ALOX5AP: variants seen among roughly 807,000 people sequenced by gnomAD.
The protein encoded by ALOX5AP is arachidonate 5-lipoxygenase activating protein, also known as arachidonate 5-lipoxygenase-activating protein.
A neutral mutation model predicts 18.5 loss-of-function variants in ALOX5AP; 9 were observed. The observed-to-expected ratio is 0.49, with a 90% CI of 0.29 to 0.85. ALOX5AP has a LOEUF of 0.85. Ranked by LOEUF, ALOX5AP falls within the 40% of genes least tolerant of loss-of-function variation. The probability of loss-of-function intolerance (pLI) is 0.08; values close to 1 mark genes in which losing one functional copy is unlikely to be tolerated. For synonymous variants in ALOX5AP, 81 were observed against 78.6 expected (o/e 1.03, Z -0.16); for missense variants, 172 against 202.5 (o/e 0.85, Z 0.91).
chr13:30,736,270 G>T (rs1165550955), intron 1 of ALOX5AP, among the ~76,000 whole-genome samples: 7 of 151,424 alleles, frequency 4.6e-5, no homozygotes, highest in Non-Finnish European at 1.0e-4. Context: ...CATATGCAGT[G>T]TATACTTCAG....
At chr13:30,756,454 T>C (rs1951894678) in intron 4 of ALOX5AP, among the ~76,000 whole-genome samples, 1 of 152,188 alleles carries the variant, frequency 6.6e-6, no homozygotes, top group Non-Finnish European at 1.5e-5. Flanking sequence ...TAAGTTGTCC[T>C]GAGGAACATA....
At chr13:30,727,912 T>G (rs926269442) in intron 1 of ALOX5AP, among the ~76,000 whole-genome samples, 14 of 152,140 alleles carry the variant, frequency 9.2e-5, no homozygotes, top group Non-Finnish European at 1.9e-4. Flanking sequence ...GCCCTTTAGA[T>G]TTTAGGATTC....
intron 2 of ALOX5AP, among the ~76,000 whole-genome samples, chr13:30,749,755 G>A (rs999703026): frequency 6.6e-6 from 1 of 152,304 alleles, no homozygotes; most frequent in Non-Finnish European, 1.5e-5. Context: ...GTTGTGCCTG[G>A]ATTCCAGGGT....
At chr13:30,732,134 G>A (rs4073259), upstream of ALOX5AP, among the ~76,000 whole-genome samples, 75,678 of 152,190 alleles carry the variant, frequency 0.5, 21,664 homozygotes, top group Non-Finnish European at 0.65. Context: ...TGCTCTGCGC[G>A]CTGGCTGGGG....
chr13:30,758,911 A>C (rs1951918520), intron 4 of ALOX5AP, among the ~76,000 whole-genome samples: 2 of 151,692 alleles, frequency 1.3e-5, no homozygotes, highest in Non-Finnish European at 2.9e-5. Flanking sequence ...ACCTCTTCCC[A>C]GGTTCAAGTG....
intron 1 of ALOX5AP, among the ~76,000 whole-genome samples, chr13:30,727,702 G>A (rs1292219531): frequency 1.3e-5 from 2 of 152,192 alleles, no homozygotes; most frequent in African/African-American, 4.8e-5. Context: ...CGGTTTCTCT[G>A]ACTGCTCCGT....
At chr13:30,749,654 C>T (rs1037754220) in intron 2 of ALOX5AP, among the ~76,000 whole-genome samples, 1 of 152,128 alleles carries the variant, frequency 6.6e-6, no homozygotes, top group Non-Finnish European at 1.5e-5. Flanking sequence ...GAGCTCCTAC[C>T]GTGTCCATTA....
intron 1 of ALOX5AP, among the ~76,000 whole-genome samples, chr13:30,741,692 AG>A (rs1951766780): frequency 6.6e-6 from 1 of 152,016 alleles, no homozygotes; most frequent in African/African-American, 2.4e-5. Context: ...TATAGGCATG[AG>A]CCACTGTGTG....
intron 4 of ALOX5AP, among the ~76,000 whole-genome samples, chr13:30,761,525 T>A (rs1017784195): frequency 1.3e-5 from 2 of 152,234 alleles, no homozygotes; most frequent in Non-Finnish European, 2.9e-5. Flanking sequence ...TTACTTGGAC[T>A]TCTTTATTTT....
upstream of ALOX5AP, among the ~76,000 whole-genome samples, chr13:30,734,750 G>A (rs1324618649): frequency 6.6e-6 from 1 of 152,130 alleles, no homozygotes; most frequent in African/African-American, 2.4e-5. Flanking sequence ...CCTTTTACCT[G>A]AATTCTTTGG....
intron 1 of ALOX5AP, among the ~76,000 whole-genome samples, chr13:30,727,035 T>C (rs1951644558): frequency 1.4e-5 from 2 of 147,600 alleles, no homozygotes; most frequent in Admixed American, 6.9e-5. Flanking sequence ...GAAAGTTTCA[T>C]TGTTAGGCAG....
chr13:30,759,793 GA>G (rs1951926397), intron 4 of ALOX5AP, among the ~76,000 whole-genome samples: 1 of 152,096 alleles, frequency 6.6e-6, no homozygotes, highest in African/African-American at 2.4e-5. Context: ...TTCTAAAAGC[GA>G]AACCCACCAA....
intron 2 of ALOX5AP, among the ~76,000 whole-genome samples, chr13:30,747,737 G>T (rs560283246): frequency 6.6e-6 from 1 of 152,086 alleles, no homozygotes; most frequent in East Asian, 1.9e-4. Context: ...TTTTGAGGAC[G>T]TTTAAGGGTA....
chr13:30,735,434 TAAAAAAAAAA>T (rs59918130), upstream of ALOX5AP: 557 of 857,318 alleles, frequency 6.5e-4, no homozygotes, highest in South Asian at 2.0e-3. Flanking sequence ...GGTGGTTAGT[TAAAAAAAAAA>T]AAAAAAAAAA....
upstream of ALOX5AP, among the ~76,000 whole-genome samples, chr13:30,734,203 C>T (rs113609920): frequency 6.6e-6 from 1 of 152,088 alleles, no homozygotes; most frequent in Non-Finnish European, 1.5e-5. Context: ...CAGGGAGTAC[C>T]CAAGTGTGTC....
chr13:30,741,830 T>TG (rs1362009547), intron 1 of ALOX5AP, among the ~76,000 whole-genome samples: 2 of 86,828 alleles, frequency 2.3e-5, no homozygotes, highest in Non-Finnish European at 4.8e-5. Context: ...AATGGTTTTC[T>TG]GTTTTTTTTT....
chr13:30,723,944 T>C (rs983653388), intron 1 of ALOX5AP, among the ~76,000 whole-genome samples: 13 of 152,168 alleles, frequency 8.5e-5, no homozygotes, highest in African/African-American at 3.1e-4. Flanking sequence ...TTTATTGAAG[T>C]ATAAGTTACA....
intron 2 of ALOX5AP, 51 bp downstream of exon 2, chr13:30,744,210 C>T (rs767027375): frequency 1.5e-5 from 23 of 1,541,010 alleles, no homozygotes; most frequent in Middle Eastern, 1.7e-4. Context: ...GGCAGGGGGG[C>T]CTCCTTCTAG....
intron 1 of ALOX5AP, among the ~76,000 whole-genome samples, chr13:30,715,671 C>T (rs931817101): frequency 3.3e-5 from 5 of 152,214 alleles, no homozygotes; most frequent in South Asian, 2.1e-4. Flanking sequence ...AGGCCACATT[C>T]GTGTTGGGGC....
Sources: allele counts gnomAD v4.1 joint callset (sites outside exome capture counted in the v4.1 genomes callset), GRCh38; gene constraint gnomAD v4.1.1; transcripts MANE v1.5; gene names NCBI Gene and HGNC (gene_info 2026-07-23, HGNC 2026-07-21).